The following CATSPERD variants were observed in gnomAD, a reference collection of about 807,000 sequenced individuals.
CATSPERD encodes the protein catsper channel auxiliary subunit delta, also known as cation channel sperm-associated auxiliary subunit delta.
CATSPERD carries 86 observed loss-of-function variants against 98.1 expected under a neutral mutation model. The observed-to-expected ratio is 0.88, with a 90% CI of 0.74 to 1.05. The LOEUF (loss-of-function observed/expected upper bound fraction) is 1.05, where lower values mean the gene tolerates loss of function less well. CATSPERD is among the 50% of genes least tolerant of loss of function. The pLI is 0.00. For missense variants in CATSPERD, 995 were observed against 1,005.7 expected, an observed-to-expected ratio of 0.99 and a Z score of 0.14; for synonymous variants, 394 against 390.2, an observed-to-expected ratio of 1.01 and a Z score of -0.12.
At chr19:5,749,032 A>T (rs1006056142) in intron 10 of CATSPERD, 69 bp from the exon 11 acceptor site, 38 of 1,373,624 alleles carry the variant, frequency 2.8e-5, no homozygotes, top group Non-Finnish European at 3.1e-6. Flanking sequence ...ACCCAACCAC[A>T]CTTATGTTTT....
rs1372585974 is a variant in CATSPERD, at chr19:5,749,137, A to T, written c.941A>T (p.Asn314Ile). ...CTGGCAGTTATAACTCGGGAGGATA[A>T]TTTGTATTATGGCAATCTGGGCATC... ...NELAVITRED[N>I]LYYGNLGIVP... The change falls in exon 11 of 22, where the codon AAT becomes ATT. Residue 314 changes from asparagine (N) to isoleucine (I), a missense_variant. Physicochemically the swap from Asn to Ile is moderately radical, Grantham distance 149. Around this residue, in one of 3 missense-constraint regions of CATSPERD, gnomAD observed 762 missense variants for 773.7 expected, o/e 0.98. Transcript: ENST00000381624. 6.2e-7 allele frequency: 1 copy of T among 1,612,762 alleles called. No individual in the cohort carries two copies. Among genetic ancestry groups the T allele is most frequent in the South Asian group, 1.1e-5 (1 of 90,896 alleles).
At chr19:5,758,853 G>C (rs1189251326) in intron 14 of CATSPERD, among the ~76,000 whole-genome samples, 1 of 151,212 alleles carries the variant, frequency 6.6e-6, no homozygotes, top group Non-Finnish European at 1.5e-5. Context: ...GAACCAGGGA[G>C]GTGGAGGTTG....
intron 1 of CATSPERD, among the ~76,000 whole-genome samples, chr19:5,721,429 G>C (rs549420955): frequency 1.3e-5 from 2 of 152,290 alleles, no homozygotes; most frequent in South Asian, 4.1e-4. Context: ...GCAGGCGTGA[G>C]CCACCGCGCC....
At chr19:5,733,760 A>ATT (rs562470248) in intron 4 of CATSPERD, 96 bp from the exon 5 acceptor site, 244 of 684,948 alleles carry the variant, frequency 3.6e-4, no homozygotes, top group Non-Finnish European at 4.3e-4. Context: ...CCGTCCATAC[A>ATT]TTTTTTTTTT....
intron 16 of CATSPERD, among the ~76,000 whole-genome samples, chr19:5,765,599 G>A (rs2056523396): frequency 6.6e-6 from 1 of 151,950 alleles, no homozygotes; most frequent in African/African-American, 2.4e-5. Flanking sequence ...ATCACCTGAG[G>A]TCAAGAGTTG....
chr19:5,750,941 G>A (rs1043597654), intron 11 of CATSPERD, among the ~76,000 whole-genome samples: 3 of 150,716 alleles, frequency 2.0e-5, no homozygotes, highest in Non-Finnish European at 4.4e-5. Flanking sequence ...ATGGCCGGGC[G>A]TGGTGGCTCA....
Position 5,745,912 on chromosome 19 carries a change from G to T in CATSPERD, c.658-1G>T. The T allele has an allele frequency of 3.1e-6, 5 of 1,613,882 alleles. No homozygotes were observed. Among genetic ancestry groups the T allele is most frequent in the Non-Finnish European group, 4.2e-6 (5 of 1,179,934 alleles). The stretch of plus-strand genomic sequence containing the variant: ...GGCTGAATGGTGTCTTTTTCTCCCA[G>T]GGCATGTTCAAGTACTCAGATCACC... On this transcript the variant is annotated splice_acceptor_variant, in intron 8 of 21. Transcript: ENST00000381624. LOFTEE classifies it high-confidence loss of function.
chr19:5,763,042 G>GTGGA (rs912132467), intron 15 of CATSPERD, among the ~76,000 whole-genome samples, 173 bp from the exon 16 acceptor site: 3 of 149,080 alleles, frequency 2.0e-5, no homozygotes, highest in Non-Finnish European at 3.0e-5. Flanking sequence ...AGATGGAAGG[G>GTGGA]TGGATGGATG....
rs372870090 is a variant in CATSPERD, at chr19:5,751,659, T to A, written c.1000T>A (p.Tyr334Asn). The change falls in exon 12 of 22, where the codon TAC (tyrosine) becomes AAC (asparagine). Residue 334 changes from tyrosine (Y) to asparagine (N), a missense_variant. Physicochemically the swap from Tyr to Asn is moderately radical, Grantham distance 143 (BLOSUM62 -2). Transcript: ENST00000381624. ...PSSIIKFADQ[Y>N]IWSEDVALMF... is the part of the protein sequence containing the mutation. ...ATTTTCTTCTTAGTTTGCAGACCAA[T>A]ACATCTGGTCAGAAGACGTGGCCCT... 5 of 1,570,152 alleles carry A rather than the reference T, an allele frequency of 3.2e-6. No individual in the cohort carries two copies. The highest frequency in any genetic ancestry group is 3.5e-6 in the Non-Finnish European group (4 of 1,154,114).
chr19:5,759,742 G>T (rs1233962880), intron 15 of CATSPERD, among the ~76,000 whole-genome samples: 1 of 151,694 alleles, frequency 6.6e-6, no homozygotes, highest in Non-Finnish European at 1.5e-5. Flanking sequence ...ACACAGCGTG[G>T]TCCATCCGCA....
In CATSPERD at chr19:5,771,029, C is replaced by G; in HGVS notation, c.1720C>G (p.Leu574Val). The change falls in exon 19 of 22, where the codon CTC becomes GTC. Residue 574 changes from leucine (L) to valine (V), a missense_variant. This residue lies in a region of CATSPERD where 762 missense variants were observed against 773.7 expected (regional missense o/e 0.98). Transcript: ENST00000381624. ...CTCCTACCAGCAGCTGGGCTGTCCTCTCCTCGTCTACTATGACACCCTATG... is the reference window on the plus strand; with the variant it reads ...CTCCTACCAGCAGCTGGGCTGTCCTGTCCTCGTCTACTATGACACCCTATG... ...FYSYQQLGCP[L>V]LVYYDTLWKP... 1 of 1,614,114 alleles carries G rather than the reference C, an allele frequency of 6.2e-7. No homozygotes were observed. Among genetic ancestry groups the G allele is most frequent in the Non-Finnish European group, 8.5e-7 (1 of 1,179,996 alleles).
In CATSPERD at chr19:5,760,441, C is replaced by T. The variant is rs896803752; in HGVS notation, c.1427+1297C>T. Among the ~76,000 whole-genome samples the T allele has an allele frequency of 3.3e-5, 5 of 151,224 alleles. No individual in the cohort carries two copies. The East Asian group carries it at 9.7e-4, about 29-fold the overall frequency. On this transcript the variant is annotated intron_variant, in intron 15 of 21. Transcript: ENST00000381624. ...AGGGAATCCTGACGCAAGATACAGGCTAGATTGGATGCACCTTGAGGACAA... is the reference window on the plus strand; with the variant it reads ...AGGGAATCCTGACGCAAGATACAGGTTAGATTGGATGCACCTTGAGGACAA...
chr19:5,742,972 C>G (rs1015000987), intron 7 of CATSPERD, among the ~76,000 whole-genome samples: 1 of 151,996 alleles, frequency 6.6e-6, no homozygotes, highest in Non-Finnish European at 1.5e-5. Flanking sequence ...AATATGGTTC[C>G]TGACATGGCA....
chr19:5,738,921 T>C (rs943567026), intron 6 of CATSPERD, among the ~76,000 whole-genome samples: 47 of 149,508 alleles, frequency 3.1e-4, no homozygotes, highest in African/African-American at 1.1e-3. Flanking sequence ...AGAGACAGGG[T>C]TTCATTATGT....
chr19:5,751,732 A>T lies in CATSPERD; in HGVS notation c.1073A>T (p.Asp358Val), dbSNP rs1271217953. 6.2e-7 allele frequency: 1 copy of T among 1,613,836 alleles called. No individual in the cohort carries two copies. The highest frequency in any genetic ancestry group is 8.5e-7 in the Non-Finnish European group (1 of 1,179,996). The stretch of plus-strand genomic sequence containing the variant: ...CTGGAAATACTGACCCCACTGCGTG[A>T]CACAGCCTTTCCAGCTTTTGATTTC... ...GTLEILTPLR[D>V]TAFPAFDFQK... The change falls in exon 12 of 22, where the codon GAC becomes GTC. Residue 358 changes from aspartate (D) to valine (V), a missense_variant. By Grantham distance (152) the Asp-to-Val change is radical (BLOSUM62 -3). Coordinates refer to ENST00000381624, the MANE Select transcript of CATSPERD (RefSeq NM_152784.4).
rs1171723947 is a variant in CATSPERD, at chr19:5,778,369, A to T, written c.2097-7A>T. The T allele has an allele frequency of 6.9e-6, 11 of 1,594,072 alleles. No individual in the cohort carries two copies. Among genetic ancestry groups the T allele is most frequent in the Non-Finnish European group, 8.6e-6 (10 of 1,167,486 alleles). The stretch of plus-strand genomic sequence containing the variant: ...CAACAGCCTCTCCCCGCCTCCCCCC[A>T]CCGCAGCTACTGTCAACTGGAGACC... On this transcript the variant is annotated splice_region_variant and splice_polypyrimidine_tract_variant and intron_variant, in intron 21 of 21. Coordinates refer to ENST00000381624, the MANE Select transcript of CATSPERD (RefSeq NM_152784.4).
chr19:5,769,095 A>G (rs374274006), intron 18 of CATSPERD, among the ~76,000 whole-genome samples: 3 of 151,710 alleles, frequency 2.0e-5, no homozygotes, highest in African/African-American at 4.8e-5. Context: ...CAGAGGTTGC[A>G]GTGAGCCAAG....
intron 19 of CATSPERD, among the ~76,000 whole-genome samples, chr19:5,771,344 G>C (rs1228612655): frequency 6.6e-6 from 1 of 152,130 alleles, no homozygotes; most frequent in Admixed American, 6.5e-5. Flanking sequence ...TGTCCCTTGG[G>C]CTCAAGCGAT....
Position 5,772,892 on chromosome 19 carries a change from T to C in CATSPERD, c.1868T>C (p.Met623Thr). 1 of 1,614,070 alleles carries C rather than the reference T, an allele frequency of 6.2e-7. No individual in the cohort carries two copies. The highest frequency in any genetic ancestry group is 8.5e-7 in the Non-Finnish European group (1 of 1,180,004). ...TATTCCCTGACGGCCCAGTCGGCCA[T>C]GTGTACCTCCCAGCCGCAGAACTGG... is the stretch of plus-strand genomic sequence containing the variant. The part of the protein sequence containing the change: ...YSYSLTAQSA[M>T]CTSQPQNWTT... The change falls in exon 20 of 22, where the codon ATG becomes ACG. Residue 623 changes from methionine (M) to threonine (T), a missense_variant. Physicochemically the swap from Met to Thr is moderately conservative, Grantham distance 81. Transcript: ENST00000381624.
Sources: gnomAD v4.1 joint callset for allele counts (sites outside exome capture counted in the v4.1 genomes callset) on GRCh38, gnomAD v4.1.1 for gene constraint, gnomAD v4.1.1 regional missense constraint, MANE v1.5 for transcripts, NCBI Gene and HGNC (gene_info 2026-07-23, HGNC 2026-07-21) for gene names.